WDR35: variants seen among roughly 807,000 people sequenced by gnomAD.
The protein encoded by WDR35 is WD repeat-containing protein 35.
A neutral mutation model predicts 158.3 loss-of-function variants in WDR35; 118 were observed. That is an observed-to-expected ratio of 0.75 (90% CI 0.64 to 0.87). The LOEUF (loss-of-function observed/expected upper bound fraction) is 0.87. Among genes scored for constraint, WDR35 ranks in the 40% least tolerant of loss-of-function variants. The probability of loss-of-function intolerance (pLI) is 0.00; values close to 1 mark genes in which losing one functional copy is unlikely to be tolerated. For missense variants in WDR35, 1,263 were observed against 1,405.8 expected (o/e 0.90, Z 1.62); for synonymous variants, 448 against 476.1 (o/e 0.94, Z 0.77).
chr2:19,936,376 A>C lies in WDR35; in HGVS notation c.2268-11T>G, dbSNP rs745664606. On this transcript the variant is annotated splice_polypyrimidine_tract_variant and intron_variant, in intron 19 of 26. Transcript: ENST00000281405. ...CCAATAGCAAGATCCCTACAAACAA[A>C]GGCATTCATTCATTCATTCATCTAT... is the stretch of plus-strand genomic sequence containing the variant. 1.4e-5 allele frequency: 22 copies of C among 1,613,724 alleles called. No individual in the cohort carries two copies. The highest frequency in any genetic ancestry group is 1.8e-5 in the Non-Finnish European group (21 of 1,179,834).
chr2:19,982,965 C>T (rs567463098), intron 2 of WDR35, among the ~76,000 whole-genome samples: 38 of 152,252 alleles, frequency 2.5e-4, no homozygotes, highest in Admixed American at 5.2e-4. Flanking sequence ...GAAATGTGTA[C>T]ACTGTGCTAT....
intron 7 of WDR35, among the ~76,000 whole-genome samples, chr2:19,974,096 G>A (rs1290163716): frequency 4.1e-5 from 6 of 146,844 alleles, no homozygotes; most frequent in East Asian, 2.0e-4. Flanking sequence ...AGACCCTGTC[G>A]CAAAAAAAAA....
rs368657154 is a variant in WDR35 at position 19,978,920 on chromosome 2, A to G, written c.308-41T>C. 17 of 1,610,718 alleles carry G rather than the reference A, an allele frequency of 1.1e-5. No homozygotes were observed. The South Asian group carries it at 1.9e-4, about 18-fold the overall frequency. ...TAAAAAATTACAAGTCAAAACTTTC[A>G]CATCTATTAAATAGTAGTTAAGAAT... On this transcript the variant is annotated intron_variant, in intron 4 of 26. Transcript: ENST00000281405.
rs760064395 is a variant in WDR35, at chr2:19,913,632, A to G, written c.3439T>C (p.Cys1147Arg). ...TCCTGAGCAAGGACACCGTGTTTGCATACACTGCACATCCAGAATTGATAC... is the reference window on the plus strand; with the variant it reads ...TCCTGAGCAAGGACACCGTGTTTGCGTACACTGCACATCCAGAATTGATAC... ...TEYQFWMCSV[C>R]KHGVLAQEIS... Residue 1147 changes from cysteine (C) to arginine (R), a missense_variant, in exon 27 of 27, where the codon TGC becomes CGC. Transcript: ENST00000281405. 8 of 1,614,034 alleles carry G rather than the reference A, an allele frequency of 5.0e-6. No individual in the cohort carries two copies. Among genetic ancestry groups the G allele is most frequent in the Non-Finnish European group, 3.4e-6 (4 of 1,179,996 alleles).
chr2:19,966,944 T>A, intron 9 of WDR35, 35 bp from the exon 10 acceptor site: 1 of 1,593,522 alleles, frequency 6.3e-7, no homozygotes, highest in Non-Finnish European at 8.6e-7. Context: ...GGAAGGAGAT[T>A]GAAAGGGAGA....
intron 2 of WDR35, among the ~76,000 whole-genome samples, chr2:19,985,442 G>A (rs1480195912): frequency 2.6e-5 from 4 of 150,998 alleles, no homozygotes; most frequent in Non-Finnish European, 5.9e-5. Context: ...TCCAACCCAG[G>A]ACCATCATCC....
At chr2:19,941,717 CCTGTCAAG>C (rs1558335082) in intron 17 of WDR35, 34 bp downstream of exon 17, 1 of 1,401,222 alleles carries the variant, frequency 7.1e-7, no homozygotes, top group South Asian at 1.2e-5. Context: ...GAAATAATCC[CCTGTCAAG>C]CTAGCAACAG....
chr2:19,935,419 AAT>A, intron 21 of WDR35, 50 bp downstream of exon 21: 1 of 1,598,092 alleles, frequency 6.3e-7, no homozygotes, highest in Non-Finnish European at 8.5e-7. Flanking sequence ...TATAACATAA[AAT>A]TTTATAAAGT....
intron 2 of WDR35, among the ~76,000 whole-genome samples, chr2:19,986,900 T>C (rs1463146029): frequency 1.3e-5 from 2 of 152,210 alleles, no homozygotes; most frequent in Non-Finnish European, 2.9e-5. Flanking sequence ...TTCGATCCAG[T>C]GAATGCCATT....
At chr2:19,977,392 T>A (rs1218606976) in intron 5 of WDR35, among the ~76,000 whole-genome samples, 2 of 152,218 alleles carry the variant, frequency 1.3e-5, no homozygotes, top group Non-Finnish European at 2.9e-5. Context: ...TGAAAGGCAT[T>A]ACCATCCATC....
intron 25 of WDR35, among the ~76,000 whole-genome samples, chr2:19,920,051 C>A (rs1465222925): frequency 6.6e-6 from 1 of 152,152 alleles, no homozygotes; most frequent in Non-Finnish European, 1.5e-5. Flanking sequence ...AATCCCTGAA[C>A]AGATCAATAA....
intron 10 of WDR35, among the ~76,000 whole-genome samples, chr2:19,966,452 G>T (rs1331292955): frequency 2.0e-5 from 3 of 152,054 alleles, no homozygotes; most frequent in African/African-American, 7.2e-5. Context: ...AAAAGGGATT[G>T]CGGTATTTTA....
rs1297520785 is a variant in WDR35 at position 19,946,480 on chromosome 2, A to G, written c.1615T>C (p.Ser539Pro). 1 of 1,613,496 alleles carries G rather than the reference A, an allele frequency of 6.2e-7. No individual in the cohort carries two copies. Among genetic ancestry groups the G allele is most frequent in the African/African-American group, 1.3e-5 (1 of 74,904 alleles). ...YSLNCRAYQL[S>P]LNCNSSRLAI... Reference sequence around the variant, plus strand: ...GCTTACCTAGAGTTGCAATTCAAGGATAACTGGTAGGCTCGACAATTAAGG... The same window carrying G: ...GCTTACCTAGAGTTGCAATTCAAGGGTAACTGGTAGGCTCGACAATTAAGG... The change falls in exon 15 of 27, where the codon TCC (serine) becomes CCC (proline). Residue 539 changes from serine (S) to proline (P), a missense_variant. By Grantham distance (74) the Ser-to-Pro change is moderately conservative. Coordinates refer to ENST00000281405, the MANE Select transcript of WDR35 (RefSeq NM_020779.4).
At chr2:19,918,169 A>G (rs2103382878) in intron 25 of WDR35, among the ~76,000 whole-genome samples, 1 of 152,332 alleles carries the variant, frequency 6.6e-6, no homozygotes, top group African/African-American at 2.4e-5. Context: ...GAGAAATAAA[A>G]TCCTTTACAG....
At chr2:19,956,287 A>G (rs1572346077) in intron 11 of WDR35, among the ~76,000 whole-genome samples, 1 of 152,352 alleles carries the variant, frequency 6.6e-6, no homozygotes, top group East Asian at 1.9e-4. Flanking sequence ...ATGTTTACCT[A>G]CAATTATAAA....
rs1463772326 is a variant in WDR35, at chr2:19,934,456, T to C, written c.2548-945A>G. On this transcript the variant is annotated intron_variant, in intron 21 of 26. Coordinates refer to ENST00000281405, the MANE Select transcript of WDR35 (RefSeq NM_020779.4). The surrounding 1 kb of genome is among the most constrained non-coding windows in gnomAD (Gnocchi z 4.6). Reference sequence around the variant, plus strand: ...GTATCCTGTATTTCCTACTTAAATATTATGTACACCTTCCCATATTATTAA... The same window carrying C: ...GTATCCTGTATTTCCTACTTAAATACTATGTACACCTTCCCATATTATTAA... 6.6e-6 allele frequency among the ~76,000 whole-genome samples: 1 copy of C among 152,190 alleles called. No homozygotes were observed. The highest frequency in any genetic ancestry group is 2.4e-5 in the African/African-American group (1 of 41,558).
At chr2:19,967,176 T>G (rs1017901528) in intron 9 of WDR35, among the ~76,000 whole-genome samples, 1 of 152,188 alleles carries the variant, frequency 6.6e-6, no homozygotes, top group Non-Finnish European at 1.5e-5. Context: ...TAAGCTTCAA[T>G]GGTAAAAATT....
intron 10 of WDR35, among the ~76,000 whole-genome samples, chr2:19,961,080 C>T (rs1671634138): frequency 6.6e-6 from 1 of 151,936 alleles, no homozygotes. Flanking sequence ...AAAGCCCTGT[C>T]AAAGAAACAT....
chr2:19,935,316 T>G, intron 21 of WDR35, 155 bp downstream of exon 21: 1 of 734,912 alleles, frequency 1.4e-6, no homozygotes, highest in Non-Finnish European at 2.1e-6. Context: ...ATTATTTATA[T>G]ATTACTTTAT....
Sources: gnomAD v4.1 joint callset for allele counts (sites outside exome capture counted in the v4.1 genomes callset) on GRCh38, gnomAD v4.1.1 for gene constraint, Gnocchi (gnomAD v3.1) non-coding constraint, MANE v1.5 for transcripts, NCBI Gene and HGNC (gene_info 2026-07-23, HGNC 2026-07-21) for gene names.